Variants in LCLAT1 observed in about 807,000 individuals in gnomAD.
LCLAT1 encodes the protein 1-AGP acyltransferase 8.
LCLAT1 carries 11 observed loss-of-function variants against 30.7 expected under a neutral mutation model. The ratio of observed to expected loss-of-function variants is 0.36; its 90% CI spans 0.23 to 0.59. The LOEUF is 0.59. Ranked by LOEUF, LCLAT1 falls within the 20% of genes least tolerant of loss-of-function variation. LCLAT1 has a pLI of 0.77. For synonymous variants in LCLAT1, 155 were observed against 151.3 expected, an observed-to-expected ratio of 1.02 and a Z score of -0.18; for missense variants, 402 against 458.6, an observed-to-expected ratio of 0.88 and a Z score of 1.13.
intron 1 of LCLAT1, among the ~76,000 whole-genome samples, chr2:30,506,771 C>G (rs527620032): frequency 1.3e-5 from 2 of 152,156 alleles, no homozygotes; most frequent in Non-Finnish European, 2.9e-5. Flanking sequence ...CTTGCATACA[C>G]TCTTTAACAG....
intron 5 of LCLAT1, among the ~76,000 whole-genome samples, chr2:30,571,885 T>G (rs1254678327): frequency 2.6e-5 from 4 of 152,192 alleles, no homozygotes; most frequent in African/African-American, 7.2e-5. Flanking sequence ...TTTTGTAGAT[T>G]AGTAGCTGAC....
intron 3 of LCLAT1, among the ~76,000 whole-genome samples, chr2:30,535,235 A>G (rs2148399948): frequency 6.6e-6 from 1 of 152,332 alleles, no homozygotes; most frequent in East Asian, 1.9e-4. Context: ...TAGTATGAGA[A>G]AACAAATAAT....
intron 5 of LCLAT1, among the ~76,000 whole-genome samples, chr2:30,613,108 A>G (rs932697344): frequency 6.6e-6 from 1 of 152,130 alleles, no homozygotes; most frequent in Non-Finnish European, 1.5e-5. Context: ...AGTGTGTTCA[A>G]AGAAGAACAA....
At chr2:30,621,074 T>C (rs1668224933) in intron 5 of LCLAT1, among the ~76,000 whole-genome samples, 1 of 152,214 alleles carries the variant, frequency 6.6e-6, no homozygotes, top group South Asian at 2.1e-4. Context: ...GGTTACATTC[T>C]GAAGTTCCGG....
intron 1 of LCLAT1, among the ~76,000 whole-genome samples, chr2:30,482,454 CTG>C (rs1402728932): frequency 1.3e-5 from 2 of 152,082 alleles, no homozygotes; most frequent in African/African-American, 2.4e-5. Context: ...CTTTCCAAAA[CTG>C]TGTGGAAAGA....
chr2:30,620,660 C>T (rs1668200724), intron 5 of LCLAT1, among the ~76,000 whole-genome samples: 1 of 152,168 alleles, frequency 6.6e-6, no homozygotes. Flanking sequence ...AAATTTCCTT[C>T]CTCAAAAATC....
At chr2:30,622,418 A>G (rs770559752) in intron 5 of LCLAT1, among the ~76,000 whole-genome samples, 4 of 152,126 alleles carry the variant, frequency 2.6e-5, no homozygotes, top group Non-Finnish European at 5.9e-5. Flanking sequence ...AGACAGCCCT[A>G]GGGCAAACTT....
intron 3 of LCLAT1, among the ~76,000 whole-genome samples, chr2:30,537,424 GA>G (rs1009474107): frequency 6.7e-5 from 10 of 149,330 alleles, no homozygotes; most frequent in South Asian, 2.1e-4. Flanking sequence ...TTAAAAAAAA[GA>G]AAAAAAACCT....
chr2:30,577,934 T>C (rs1346506032), intron 5 of LCLAT1, among the ~76,000 whole-genome samples: 1 of 152,144 alleles, frequency 6.6e-6, no homozygotes, highest in Admixed American at 6.6e-5. Context: ...GATTCCTTAT[T>C]ATTTACTATA....
At chr2:30,520,135 C>T (rs1178724310) in intron 1 of LCLAT1, among the ~76,000 whole-genome samples, 1 of 152,152 alleles carries the variant, frequency 6.6e-6, no homozygotes, top group African/African-American at 2.4e-5. Flanking sequence ...ACCGCATGGC[C>T]CAAGGTTCCA....
At chr2:30,589,204 C>T (rs759380628) in intron 5 of LCLAT1, among the ~76,000 whole-genome samples, 16 of 152,178 alleles carry the variant, frequency 1.1e-4, no homozygotes, top group Non-Finnish European at 2.2e-4. Flanking sequence ...CTTGACAAAA[C>T]ATTTTTTTAA....
intron 4 of LCLAT1, among the ~76,000 whole-genome samples, chr2:30,563,150 T>C (rs1203065514): frequency 1.3e-5 from 2 of 152,060 alleles, no homozygotes; most frequent in African/African-American, 4.8e-5. Context: ...CTCAAGCTTA[T>C]AGTGTCTGGG....
chr2:30,588,270 A>C (rs1419927574), intron 5 of LCLAT1, among the ~76,000 whole-genome samples: 1 of 152,208 alleles, frequency 6.6e-6, no homozygotes, highest in Non-Finnish European at 1.5e-5. Flanking sequence ...CACCTCCTTC[A>C]GCTTTTAATT....
At chr2:30,610,169 G>T (rs988691071) in intron 5 of LCLAT1, among the ~76,000 whole-genome samples, 1 of 151,326 alleles carries the variant, frequency 6.6e-6, no homozygotes, top group African/African-American at 2.4e-5. Context: ...TAATTTTTTC[G>T]TTCCTTCTTT....
intron 5 of LCLAT1, among the ~76,000 whole-genome samples, chr2:30,577,057 A>G (rs1190735893): frequency 6.6e-6 from 1 of 150,578 alleles, no homozygotes; most frequent in Admixed American, 6.6e-5. Flanking sequence ...AGTTTTCTCC[A>G]TTTTATTTTG....
chr2:30,522,021 A>G (rs1194157042), intron 1 of LCLAT1, among the ~76,000 whole-genome samples: 1 of 152,182 alleles, frequency 6.6e-6, no homozygotes, highest in Non-Finnish European at 1.5e-5. Context: ...AACATGTTGC[A>G]TGGATCAGTA....
intron 5 of LCLAT1, among the ~76,000 whole-genome samples, chr2:30,637,868 G>A (rs2602795): frequency 0.094 from 14,339 of 151,980 alleles, 712 homozygotes; most frequent in East Asian, 0.11. Context: ...GTGAGCCACC[G>A]CACCCAGCCC....
chr2:30,529,796 G>A (rs1685902311), intron 2 of LCLAT1, among the ~76,000 whole-genome samples: 1 of 152,208 alleles, frequency 6.6e-6, no homozygotes, highest in Non-Finnish European at 1.5e-5. Flanking sequence ...TGGGTGCTCA[G>A]TGTTTTGAAG....
chr2:30,611,450 T>C (rs1307592203), intron 5 of LCLAT1, among the ~76,000 whole-genome samples: 1 of 152,124 alleles, frequency 6.6e-6, no homozygotes, highest in Non-Finnish European at 1.5e-5. Flanking sequence ...CATTCTAGCA[T>C]GTGGAACTTT....
Sources: allele counts gnomAD v4.1 joint callset (sites outside exome capture counted in the v4.1 genomes callset), GRCh38; gene constraint gnomAD v4.1.1; transcripts MANE v1.5; gene names NCBI Gene and HGNC (gene_info 2026-07-23, HGNC 2026-07-21).